KALRN: variants seen among roughly 807,000 people sequenced by gnomAD.
KALRN encodes kalirin RhoGEF kinase.
In KALRN, 70 loss-of-function variants were observed where a neutral mutation model predicts 353.7. The ratio of observed to expected loss-of-function variants is 0.20; its 90% CI spans 0.16 to 0.24. The LOEUF (loss-of-function observed/expected upper bound fraction) is 0.24, where lower values mean the gene tolerates loss of function less well. KALRN is among the 10% of genes least tolerant of loss of function. KALRN has a pLI of 1.00. For synonymous variants in KALRN, 1,391 were observed against 1,434.8 expected, an observed-to-expected ratio of 0.97 and a Z score of 0.69; for missense variants, 2,791 against 3,756.7, an observed-to-expected ratio of 0.74 and a Z score of 6.72.
At chr3:124,311,547 G>A (rs998706853) in intron 6 of KALRN, among the ~76,000 whole-genome samples, 7 of 152,174 alleles carry the variant, frequency 4.6e-5, no homozygotes, top group Admixed American at 2.0e-4. Context: ...GGCTGCAGGC[G>A]TGTAAAATGG....
intron 3 of KALRN, among the ~76,000 whole-genome samples, chr3:124,247,420 A>T (rs1026220100): frequency 6.6e-6 from 1 of 152,000 alleles, no homozygotes. Flanking sequence ...AATGATAGAT[A>T]AAATAATGTT....
chr3:124,098,174 C>T (rs2061584996), intron 1 of KALRN, among the ~76,000 whole-genome samples: 1 of 152,124 alleles, frequency 6.6e-6, no homozygotes, highest in Admixed American at 6.5e-5. Context: ...CAGTGTTTCC[C>T]AGCATGTGGG....
chr3:124,050,958 T>G (rs147331006), intron 1 of KALRN, among the ~76,000 whole-genome samples: 175 of 152,280 alleles, frequency 1.1e-3, no homozygotes, highest in African/African-American at 3.5e-3. Flanking sequence ...AGGTTAAATA[T>G]ATATAAAGAC....
chr3:124,132,131 G>A (rs558378220), intron 1 of KALRN, among the ~76,000 whole-genome samples: 1 of 152,066 alleles, frequency 6.6e-6, no homozygotes, highest in Non-Finnish European at 1.5e-5. Context: ...CCATTATTCT[G>A]GAATATTGAT....
chr3:124,606,542 T>C (rs999039366), intron 34 of KALRN, among the ~76,000 whole-genome samples: 2 of 152,208 alleles, frequency 1.3e-5, no homozygotes, highest in African/African-American at 2.4e-5. Flanking sequence ...AAGACAAATA[T>C]AAAGCAGAGG....
At chr3:124,448,292 C>T (rs1329987025) in intron 21 of KALRN, among the ~76,000 whole-genome samples, 1 of 152,030 alleles carries the variant, frequency 6.6e-6, no homozygotes, top group Non-Finnish European at 1.5e-5. Context: ...TTTGGTCTTT[C>T]CTTCCTTCCA....
At chr3:124,690,878 G>A (rs1010390748) in intron 51 of KALRN, among the ~76,000 whole-genome samples, 1 of 152,206 alleles carries the variant, frequency 6.6e-6, no homozygotes, top group Non-Finnish European at 1.5e-5. Context: ...CCTAATTTGA[G>A]TGTAGTCCTT....
intron 23 of KALRN, among the ~76,000 whole-genome samples, chr3:124,461,298 G>C (rs183556442): frequency 6.6e-6 from 1 of 151,840 alleles, no homozygotes; most frequent in Admixed American, 6.6e-5. Flanking sequence ...CAACAGCAAA[G>C]TTGAGTGGTT....
At chr3:124,633,605 T>C (rs1005513208) in intron 35 of KALRN, among the ~76,000 whole-genome samples, 1 of 150,090 alleles carries the variant, frequency 6.7e-6, no homozygotes, top group Non-Finnish European at 1.5e-5. Flanking sequence ...ATCGATAAGA[T>C]AGATAGTTTC....
chr3:124,145,439 A>C (rs2067214861), intron 1 of KALRN, among the ~76,000 whole-genome samples: 1 of 152,224 alleles, frequency 6.6e-6, no homozygotes, highest in South Asian at 2.1e-4. Context: ...GTATTGTATC[A>C]GAGTTCCCTG....
chr3:124,134,683 AAAAC>A (rs1271844707), intron 1 of KALRN, among the ~76,000 whole-genome samples: 1 of 152,238 alleles, frequency 6.6e-6, no homozygotes, highest in Non-Finnish European at 1.5e-5. Flanking sequence ...CAGTAAGAAA[AAAAC>A]AAACAATTAC....
intron 59 of KALRN, 111 bp downstream of exon 59, chr3:124,717,496 C>T: frequency 3.1e-6 from 2 of 640,172 alleles, no homozygotes; most frequent in Admixed American, 3.3e-5. Context: ...ACCATCCTGG[C>T]TGACACGGTG....
At position 124,329,909 on chromosome 3, in the gene KALRN, C is replaced by T. The variant is rs1476444737; in HGVS notation, c.1333C>T (p.Leu445=). The change falls in exon 8 of 60, where the codon CTG becomes TTG. Residue 445 remains leucine, a synonymous_variant. Coordinates refer to ENST00000682506, the MANE Select transcript of KALRN (RefSeq NM_001388419.1). ...GTGCAAGATGTGCAGTGAAGGTGGT[C>T]TGCCATCCGAGATGCAAGACCTAGA... ...AWCKMCSEGG[L]PSEMQDLELA... 4.3e-6 allele frequency: 7 copies of T among 1,613,894 alleles called. No homozygotes were observed. The highest frequency in any genetic ancestry group is 1.6e-4 in the Middle Eastern group (1 of 6,062).
intron 55 of KALRN, among the ~76,000 whole-genome samples, chr3:124,698,645 C>T (rs374315573): frequency 3.1e-4 from 47 of 152,318 alleles, no homozygotes; most frequent in African/African-American, 1.1e-3. Flanking sequence ...GCAGAGCTAG[C>T]ACTAGAACCC....
chr3:124,302,235 G>T (rs2077326984), intron 6 of KALRN, among the ~76,000 whole-genome samples: 1 of 152,190 alleles, frequency 6.6e-6, no homozygotes, highest in Non-Finnish European at 1.5e-5. Flanking sequence ...ATGTCTCATG[G>T]AGAGTCCAGC....
At chr3:124,600,452 T>C (rs897324654) in intron 34 of KALRN, among the ~76,000 whole-genome samples, 1 of 152,254 alleles carries the variant, frequency 6.6e-6, no homozygotes, top group African/African-American at 2.4e-5. Context: ...AATGGGTACG[T>C]ATTTCAAAGA....
At chr3:124,290,901 GGGAAGA>G (rs2076361185) in intron 5 of KALRN, among the ~76,000 whole-genome samples, 1 of 152,170 alleles carries the variant, frequency 6.6e-6, no homozygotes, top group Admixed American at 6.5e-5. Context: ...ATGGAGAGAA[GGGAAGA>G]GGAAGAAAAA....
At chr3:124,624,091 A>G (rs541956137) in intron 34 of KALRN, among the ~76,000 whole-genome samples, 1 of 152,236 alleles carries the variant, frequency 6.6e-6, no homozygotes, top group Non-Finnish European at 1.5e-5. Context: ...CACTGTTCTG[A>G]GTAGTGTGAT....
chr3:124,131,728 G>A (rs999085140), intron 1 of KALRN, among the ~76,000 whole-genome samples: 1 of 152,204 alleles, frequency 6.6e-6, no homozygotes, highest in Admixed American at 6.5e-5. Flanking sequence ...CCACTGCCGG[G>A]AGGTCAGCAT....
Sources: allele counts gnomAD v4.1 joint callset (sites outside exome capture counted in the v4.1 genomes callset), GRCh38; gene constraint gnomAD v4.1.1; transcripts MANE v1.5; gene names NCBI Gene and HGNC (gene_info 2026-07-23, HGNC 2026-07-21).